The following SHISA9 variants were observed in gnomAD, a reference collection of about 807,000 sequenced individuals.
The protein encoded by SHISA9 is shisa family member 9, also known as protein shisa-9.
SHISA9 carries 13 observed loss-of-function variants against 38.0 expected under a neutral mutation model. The observed-to-expected ratio is 0.34, with a 90% CI of 0.22 to 0.54. The LOEUF (loss-of-function observed/expected upper bound fraction) is 0.54, where lower values mean the gene tolerates loss of function less well. Among genes scored for constraint, SHISA9 ranks in the 20% least tolerant of loss-of-function variants. The pLI is 0.91. For synonymous variants in SHISA9, 275 were observed against 242.0 expected (o/e 1.14, Z -1.27); for missense variants, 538 against 575.8 (o/e 0.93, Z 0.67).
At chr16:12,978,641 T>C (rs1450063854) in intron 2 of SHISA9, among the ~76,000 whole-genome samples, 3 of 152,112 alleles carry the variant, frequency 2.0e-5, no homozygotes, top group Non-Finnish European at 2.9e-5. Flanking sequence ...CCCAAAGGAG[T>C]GTTTTGAAGC....
chr16:13,068,452 C>T (rs1466672467), intron 2 of SHISA9, among the ~76,000 whole-genome samples: 1 of 152,242 alleles, frequency 6.6e-6, no homozygotes, highest in Non-Finnish European at 1.5e-5. Context: ...ACTCTCCCTT[C>T]ACTAGGGGAC....
the SHISA9 span, among the ~76,000 whole-genome samples, chr16:13,520,631 T>C: frequency 7.4e-6 from 1 of 134,792 alleles, no homozygotes; most frequent in Non-Finnish European, 1.6e-5. Context: ...AAAAAAGTTA[T>C]AGGGGAGGGA....
intron 2 of SHISA9, among the ~76,000 whole-genome samples, chr16:13,008,449 T>A (rs2072625468): frequency 6.6e-6 from 1 of 152,108 alleles, no homozygotes; most frequent in Non-Finnish European, 1.5e-5. Context: ...CCCAGGCAGA[T>A]CTCATTTTGA....
intron 4 of SHISA9, among the ~76,000 whole-genome samples, chr16:13,231,148 G>C (rs1342037325): frequency 6.6e-6 from 1 of 152,200 alleles, no homozygotes; most frequent in Admixed American, 6.5e-5. Context: ...GCCTCTGACA[G>C]TTGTCCTGCA....
At chr16:13,283,843 C>T in the SHISA9 span, among the ~76,000 whole-genome samples, 1,163 of 152,136 alleles carry the variant, frequency 7.6e-3, 14 homozygotes, top group African/African-American at 0.027. Flanking sequence ...CAACATCTCT[C>T]GGCACTCTTT....
At chr16:13,173,151 G>GCA (rs1491357423) in intron 2 of SHISA9, among the ~76,000 whole-genome samples, 16 of 38,908 alleles carry the variant, frequency 4.1e-4, no homozygotes, top group African/African-American at 3.3e-3. Flanking sequence ...AGATGCACGT[G>GCA]CGCACACACA....
intron 2 of SHISA9, among the ~76,000 whole-genome samples, chr16:13,093,505 C>T (rs373985821): frequency 7.2e-5 from 11 of 152,190 alleles, no homozygotes; most frequent in African/African-American, 2.4e-4. Context: ...TAAGGACCTG[C>T]AAGAAGTGAC....
rs1022812166 is a variant in SHISA9 at position 13,202,348 on chromosome 16, A to G, written c.692-1046A>G. Among the ~76,000 whole-genome samples the G allele has an allele frequency of 9.2e-5, 12 of 130,810 alleles. 1 individual carries two copies. The highest frequency in any genetic ancestry group is 1.5e-4 in the Non-Finnish European group (9 of 60,690). 85.8% of individuals were successfully genotyped at this position (130,810 alleles called of 152,430 possible). A position where few individuals can be genotyped will look rare whatever the true frequency, so the allele number is the denominator to read the frequency against. On this transcript the variant is annotated intron_variant, in intron 2 of 4. Coordinates refer to ENST00000558583, the MANE Select transcript of SHISA9 (RefSeq NM_001145204.3). ...CCTCATATCTTCCACCTTCCACCAC[A>G]CTGAACTATTATAACAACCCTCCTT...
At chr16:13,033,380 C>A (rs1265548558) in intron 2 of SHISA9, among the ~76,000 whole-genome samples, 3 of 152,066 alleles carry the variant, frequency 2.0e-5, no homozygotes, top group Admixed American at 6.5e-5. Flanking sequence ...CTATAAGAAC[C>A]AAAACCAGGG....
At chr16:12,906,465 G>T (rs1243939345) in intron 1 of SHISA9, among the ~76,000 whole-genome samples, 2 of 152,054 alleles carry the variant, frequency 1.3e-5, no homozygotes, top group Non-Finnish European at 2.9e-5. Flanking sequence ...AAGCGGTGGG[G>T]GGAGGCTCGC....
At chr16:13,299,672 C>G in the SHISA9 span, among the ~76,000 whole-genome samples, 1 of 151,488 alleles carries the variant, frequency 6.6e-6, no homozygotes, top group African/African-American at 2.4e-5. Context: ...GAGATTGCAC[C>G]CCTGCACTTT....
the SHISA9 span, among the ~76,000 whole-genome samples, chr16:13,394,746 G>A: frequency 6.6e-6 from 1 of 152,156 alleles, no homozygotes; most frequent in Non-Finnish European, 1.5e-5. Flanking sequence ...AATATGGTGG[G>A]GGAAATATAT....
chr16:13,420,560 G>A, the SHISA9 span, among the ~76,000 whole-genome samples: 2 of 152,130 alleles, frequency 1.3e-5, no homozygotes, highest in Admixed American at 1.3e-4. Context: ...GGGATGGGGG[G>A]TAAGGAAAGG....
chr16:13,164,787 T>G (rs116572754), intron 2 of SHISA9, among the ~76,000 whole-genome samples: 1,678 of 152,236 alleles, frequency 0.011, 30 homozygotes, highest in African/African-American at 0.039. Flanking sequence ...CACCAAATAT[T>G]TGGGCATTTT....
chr16:13,534,024 C>T, the SHISA9 span, among the ~76,000 whole-genome samples: 3 of 152,056 alleles, frequency 2.0e-5, no homozygotes, highest in African/African-American at 7.2e-5. Flanking sequence ...ACCTCGTGAT[C>T]CGCCCGCCTC....
chr16:13,255,897 C>T, the SHISA9 span, among the ~76,000 whole-genome samples: 1 of 152,202 alleles, frequency 6.6e-6, no homozygotes, highest in Non-Finnish European at 1.5e-5. Context: ...TCTCAGCTCA[C>T]TCTCCATACT....
the SHISA9 span, among the ~76,000 whole-genome samples, chr16:13,324,322 G>A: frequency 6.6e-6 from 1 of 152,080 alleles, no homozygotes; most frequent in East Asian, 1.9e-4. Context: ...GCTCTAGACT[G>A]AGCCAGGACC....
At chr16:13,059,046 G>A (rs2073343026) in intron 2 of SHISA9, among the ~76,000 whole-genome samples, 1 of 149,696 alleles carries the variant, frequency 6.7e-6, no homozygotes, top group African/African-American at 2.5e-5. Context: ...CAACTCCTAT[G>A]TTAAAGCCTT....
chr16:13,160,356 C>G (rs1036543372), intron 2 of SHISA9, among the ~76,000 whole-genome samples: 1 of 152,182 alleles, frequency 6.6e-6, no homozygotes, highest in Non-Finnish European at 1.5e-5. Flanking sequence ...GTGCCTTCTA[C>G]TTTTTGGTGT....
Sources: allele counts gnomAD v4.1 joint callset (sites outside exome capture counted in the v4.1 genomes callset), GRCh38; gene constraint gnomAD v4.1.1; transcripts MANE v1.5; gene names NCBI Gene and HGNC (gene_info 2026-07-23, HGNC 2026-07-21).